The following GNAQ variants were observed in gnomAD, a reference collection of about 807,000 sequenced individuals.
The protein encoded by GNAQ is guanine nucleotide-binding protein G(q) subunit alpha.
A neutral mutation model predicts 43.9 loss-of-function variants in GNAQ; 8 were observed. That is an observed-to-expected ratio of 0.18 (90% CI 0.11 to 0.33). The LOEUF (loss-of-function observed/expected upper bound fraction) is 0.33, where lower values mean the gene tolerates loss of function less well. Ranked by LOEUF, GNAQ falls within the 10% of genes least tolerant of loss-of-function variation. GNAQ has a pLI of 1.00. For synonymous variants in GNAQ, 155 were observed against 170.7 expected, an observed-to-expected ratio of 0.91 and a Z score of 0.71; for missense variants, 158 against 450.8, an observed-to-expected ratio of 0.35 and a Z score of 5.88.
intron 2 of GNAQ, among the ~76,000 whole-genome samples, chr9:77,853,474 G>A (rs1470606917): frequency 6.6e-6 from 1 of 152,096 alleles, no homozygotes; most frequent in African/African-American, 2.4e-5. Context: ...CAGTAAGTAT[G>A]AGCATAAAAT....
intron 5 of GNAQ, among the ~76,000 whole-genome samples, chr9:77,750,520 C>CAAGATGGTAT (rs1220032462): frequency 6.6e-6 from 1 of 152,104 alleles, no homozygotes; most frequent in Non-Finnish European, 1.5e-5. Context: ...AAGTCATTTT[C>CAAGATGGTAT]AAGATGGTAT....
At chr9:77,852,565 A>T (rs964032052) in intron 2 of GNAQ, among the ~76,000 whole-genome samples, 2 of 152,240 alleles carry the variant, frequency 1.3e-5, no homozygotes, top group Non-Finnish European at 2.9e-5. Flanking sequence ...CAGGATTGAA[A>T]AGGTTGGCTC....
chr9:77,743,014 C>G (rs543399198), intron 5 of GNAQ, among the ~76,000 whole-genome samples: 1 of 152,338 alleles, frequency 6.6e-6, no homozygotes, highest in African/African-American at 2.4e-5. Flanking sequence ...AATCCCAGCA[C>G]TTTGGGAGGC....
At chr9:77,989,396 C>T (rs1823481516) in intron 1 of GNAQ, among the ~76,000 whole-genome samples, 1 of 152,194 alleles carries the variant, frequency 6.6e-6, no homozygotes, top group African/African-American at 2.4e-5. Context: ...ACCATTGCTG[C>T]AAGTCCAAAT....
intron 1 of GNAQ, among the ~76,000 whole-genome samples, chr9:77,959,650 T>C (rs1364446161): frequency 6.6e-6 from 1 of 152,260 alleles, no homozygotes; most frequent in African/African-American, 2.4e-5. Flanking sequence ...CACTGTTTTA[T>C]TCCTTCAATT....
intron 1 of GNAQ, among the ~76,000 whole-genome samples, chr9:77,957,624 T>G (rs1436035025): frequency 6.6e-6 from 1 of 151,912 alleles, no homozygotes; most frequent in East Asian, 1.9e-4. Flanking sequence ...ATTTCATGAG[T>G]AATTTGAGTG....
Position 77,854,634 on chromosome 9 carries a change from G to A in GNAQ, c.322-38864C>T, listed in dbSNP as rs116833421. On this transcript the variant is annotated intron_variant, in intron 2 of 6. Transcript: ENST00000286548. ...CTGCCCTACTCATTCATAAACAAAC[G>A]TGTGAATGCCGTTTAAGAAGCTAAG... Among the ~76,000 whole-genome samples, 1,218 of 152,252 alleles carry A rather than the reference G, an allele frequency of 8.0e-3. 13 individuals are homozygous for A. The highest frequency in any genetic ancestry group is 0.028 in the African/African-American group (1,162 of 41,550).
At chr9:77,739,115 C>T (rs889094741) in intron 5 of GNAQ, among the ~76,000 whole-genome samples, 1 of 152,106 alleles carries the variant, frequency 6.6e-6, no homozygotes, top group Non-Finnish European at 1.5e-5. Context: ...TTATTCATCT[C>T]GTAGTGATGT....
intron 5 of GNAQ, among the ~76,000 whole-genome samples, chr9:77,771,602 T>G (rs76409644): frequency 0.012 from 1,864 of 152,214 alleles, 37 homozygotes; most frequent in African/African-American, 0.041. Context: ...ATCTCTCATT[T>G]TAGTGTTTAG....
chr9:77,990,096 T>C (rs1174792258), intron 1 of GNAQ, among the ~76,000 whole-genome samples: 3 of 152,184 alleles, frequency 2.0e-5, no homozygotes, highest in Admixed American at 6.5e-5. Context: ...CATAAGCCCA[T>C]AGTATTCTTG....
intron 6 of GNAQ, 65 bp from the exon 7 acceptor site, chr9:77,721,578 G>A (rs1264587506): frequency 2.2e-6 from 2 of 929,170 alleles, no homozygotes; most frequent in East Asian, 4.8e-5. Flanking sequence ...AATCATCATT[G>A]GTTCAATAAA....
At chr9:77,881,926 T>G (rs1027861619) in intron 2 of GNAQ, among the ~76,000 whole-genome samples, 2 of 152,058 alleles carry the variant, frequency 1.3e-5, no homozygotes, top group Non-Finnish European at 2.9e-5. Flanking sequence ...TCACTTGAGG[T>G]CAGGAGTTCG....
At chr9:77,836,421 A>G (rs1827386137) in intron 2 of GNAQ, among the ~76,000 whole-genome samples, 1 of 152,232 alleles carries the variant, frequency 6.6e-6, no homozygotes, top group Non-Finnish European at 1.5e-5. Flanking sequence ...TAGAGCAGAA[A>G]AAACACCACT....
intron 2 of GNAQ, among the ~76,000 whole-genome samples, chr9:77,879,018 C>T (rs890431226): frequency 2.6e-5 from 4 of 151,658 alleles, no homozygotes; most frequent in Admixed American, 2.0e-4. Context: ...TGCACTCCAG[C>T]CTGGGTGACA....
chr9:77,870,098 T>C (rs1461251334), intron 2 of GNAQ, among the ~76,000 whole-genome samples: 1 of 152,154 alleles, frequency 6.6e-6, no homozygotes, highest in Non-Finnish European at 1.5e-5. Context: ...TTCTTTTAAA[T>C]AAGGTAATAA....
At chr9:77,928,722 A>C (rs893201465) in intron 1 of GNAQ, among the ~76,000 whole-genome samples, 2 of 152,224 alleles carry the variant, frequency 1.3e-5, no homozygotes, top group African/African-American at 4.8e-5. Context: ...TGTACACTTT[A>C]AAATGGTAAA....
At position 77,721,318 on chromosome 9, in the gene GNAQ, C is replaced by T; in HGVS notation, c.*5G>A. ...AAGGGCAGGGCGGGTGTCTAGGAGGCACAATTAGACCAGATTGTACTCCTT... is the reference window on the plus strand; with the variant it reads ...AAGGGCAGGGCGGGTGTCTAGGAGGTACAATTAGACCAGATTGTACTCCTT... On this transcript the variant is annotated 3_prime_UTR_variant, in exon 7 of 7. Coordinates refer to ENST00000286548, the MANE Select transcript of GNAQ (RefSeq NM_002072.5). 6.3e-7 allele frequency: 1 copy of T among 1,593,286 alleles called. No homozygotes were observed. Among genetic ancestry groups the T allele is most frequent in the South Asian group, 1.1e-5 (1 of 89,574 alleles).
intron 4 of GNAQ, among the ~76,000 whole-genome samples, chr9:77,795,347 T>C (rs561163456): frequency 2.0e-5 from 3 of 152,314 alleles, no homozygotes; most frequent in South Asian, 4.1e-4. Context: ...TTAATTTGAG[T>C]GACAATGTAT....
At chr9:77,736,132 C>T (rs924332528) in intron 5 of GNAQ, among the ~76,000 whole-genome samples, 4 of 152,216 alleles carry the variant, frequency 2.6e-5, no homozygotes, top group Non-Finnish European at 5.9e-5. Context: ...CAAATCCAGG[C>T]ACATCTGATT....
Sources: allele counts gnomAD v4.1 joint callset (sites outside exome capture counted in the v4.1 genomes callset), GRCh38; gene constraint gnomAD v4.1.1; transcripts MANE v1.5; gene names NCBI Gene and HGNC (gene_info 2026-07-23, HGNC 2026-07-21).